The following LAMA2 variants were observed in gnomAD, a reference collection of about 807,000 sequenced individuals.
LAMA2 encodes laminin subunit alpha-2.
A neutral mutation model predicts 364.8 loss-of-function variants in LAMA2; 269 were observed. That is an observed-to-expected ratio of 0.74 (90% CI 0.67 to 0.82). LAMA2 has a LOEUF of 0.82. Among genes scored for constraint, LAMA2 ranks in the 40% least tolerant of loss-of-function variants. The probability of loss-of-function intolerance (pLI) is 0.00; values close to 1 mark genes in which losing one functional copy is unlikely to be tolerated. For missense variants in LAMA2, 3,807 were observed against 3,873.2 expected, an observed-to-expected ratio of 0.98 and a Z score of 0.45; for synonymous variants, 1,379 against 1,370.6, an observed-to-expected ratio of 1.01 and a Z score of -0.14.
At chr6:129,130,285 G>GC (rs1376485752) in intron 4 of LAMA2, among the ~76,000 whole-genome samples, 1 of 152,218 alleles carries the variant, frequency 6.6e-6, no homozygotes, top group Middle Eastern at 3.2e-3. Context: ...ATATAAGTGG[G>GC]CCATAGAGTG....
intron 1 of LAMA2, among the ~76,000 whole-genome samples, chr6:129,030,921 G>T (rs1320741843): frequency 6.6e-6 from 1 of 151,928 alleles, no homozygotes; most frequent in African/African-American, 2.4e-5. Flanking sequence ...AGAGTTTAGT[G>T]GTTATAGAAT....
intron 1 of LAMA2, among the ~76,000 whole-genome samples, chr6:128,968,374 C>T (rs771149220): frequency 3.9e-5 from 6 of 152,070 alleles, no homozygotes; most frequent in Non-Finnish European, 7.4e-5. Context: ...CAGGAGTAAA[C>T]AAGTCCCCAT....
intron 53 of LAMA2, among the ~76,000 whole-genome samples, chr6:129,478,263 A>C (rs371334734): frequency 9.3e-6 from 1 of 106,984 alleles, no homozygotes; most frequent in Non-Finnish European, 2.2e-5. Flanking sequence ...CAAAATAAAT[A>C]AACGTTTTCA....
chr6:129,492,182 A>C, intron 57 of LAMA2, 105 bp downstream of exon 57: 1 of 1,402,560 alleles, frequency 7.1e-7, no homozygotes, highest in South Asian at 1.2e-5. Flanking sequence ...GGGAGGAGGG[A>C]AACAATGAGG....
At chr6:129,489,380 C>A (rs1240803094) in intron 56 of LAMA2, among the ~76,000 whole-genome samples, 2 of 152,128 alleles carry the variant, frequency 1.3e-5, no homozygotes, top group East Asian at 3.9e-4. Flanking sequence ...CTGGAAAAAT[C>A]TCCCTTTAGT....
chr6:129,397,152 A>G (rs1449662203), intron 37 of LAMA2, among the ~76,000 whole-genome samples: 1 of 152,156 alleles, frequency 6.6e-6, no homozygotes, highest in African/African-American at 2.4e-5. Flanking sequence ...ATAAAGATCT[A>G]ATTAATTACA....
intron 1 of LAMA2, among the ~76,000 whole-genome samples, chr6:128,961,857 C>T (rs978530090): frequency 1.3e-5 from 2 of 151,736 alleles, no homozygotes; most frequent in Non-Finnish European, 2.9e-5. Context: ...GGGATAGTAA[C>T]GAGGTTTATA....
intron 9 of LAMA2, among the ~76,000 whole-genome samples, chr6:129,177,410 T>A (rs778196339): frequency 6.6e-6 from 1 of 152,206 alleles, no homozygotes; most frequent in Non-Finnish European, 1.5e-5. Context: ...TTGTGGAAAT[T>A]TCTCCTTGGT....
chr6:128,901,523 G>A (rs777059755), intron 1 of LAMA2, among the ~76,000 whole-genome samples: 1 of 152,154 alleles, frequency 6.6e-6, no homozygotes, highest in Non-Finnish European at 1.5e-5. Flanking sequence ...CATAGAAAGA[G>A]TAGTGAAACA....
chr6:129,044,951 A>C (rs1787370451), intron 1 of LAMA2, among the ~76,000 whole-genome samples: 1 of 152,222 alleles, frequency 6.6e-6, no homozygotes, highest in African/African-American at 2.4e-5. Flanking sequence ...AATGGGAATA[A>C]GTAGGCACAG....
intron 12 of LAMA2, among the ~76,000 whole-genome samples, chr6:129,212,209 T>G (rs1316262259): frequency 6.6e-6 from 1 of 152,134 alleles, no homozygotes; most frequent in Non-Finnish European, 1.5e-5. Flanking sequence ...GAGCCTGAGT[T>G]GCATTGTGTG....
chr6:129,456,156 G>A (rs997860008), intron 47 of LAMA2, among the ~76,000 whole-genome samples, 179 bp from the exon 48 acceptor site: 1 of 152,120 alleles, frequency 6.6e-6, no homozygotes, highest in African/African-American at 2.4e-5. Flanking sequence ...CAGACTCTGA[G>A]TATTGATTCG....
chr6:129,251,410 G>A (rs759892081), intron 13 of LAMA2, among the ~76,000 whole-genome samples: 72 of 152,012 alleles, frequency 4.7e-4, no homozygotes, highest in Non-Finnish European at 8.8e-4. Flanking sequence ...TTTGAAATAT[G>A]TAACTTTCGT....
chr6:129,161,414 A>G (rs192608662), intron 8 of LAMA2, among the ~76,000 whole-genome samples: 39 of 152,288 alleles, frequency 2.6e-4, no homozygotes, highest in Admixed American at 9.2e-4. Flanking sequence ...TTTGTGTCAC[A>G]AAATTTTTGT....
intron 1 of LAMA2, among the ~76,000 whole-genome samples, chr6:128,971,532 T>C (rs1455948676): frequency 2.6e-5 from 4 of 152,012 alleles, no homozygotes; most frequent in South Asian, 2.1e-4. Flanking sequence ...GGAGGATGCA[T>C]TGGTATTAAA....
At chr6:129,226,136 A>G (rs1784255158) in intron 12 of LAMA2, among the ~76,000 whole-genome samples, 1 of 152,080 alleles carries the variant, frequency 6.6e-6, no homozygotes, top group African/African-American at 2.4e-5. Context: ...TGTCTGTTTT[A>G]TCAGAGACTA....
intron 40 of LAMA2, among the ~76,000 whole-genome samples, chr6:129,425,151 A>G (rs1182352833): frequency 6.6e-6 from 1 of 151,994 alleles, no homozygotes; most frequent in Non-Finnish European, 1.5e-5. Context: ...AGAGATTCAA[A>G]AGAAATGATG....
chr6:129,438,357 G>T (rs1018394140), intron 41 of LAMA2, among the ~76,000 whole-genome samples: 1 of 151,872 alleles, frequency 6.6e-6, no homozygotes, highest in Non-Finnish European at 1.5e-5. Flanking sequence ...TAATTCTTTG[G>T]AGGTTTCTTC....
intron 1 of LAMA2, among the ~76,000 whole-genome samples, chr6:128,957,797 T>C (rs944078887): frequency 1.3e-5 from 2 of 151,224 alleles, no homozygotes; most frequent in African/African-American, 4.9e-5. Flanking sequence ...CCTTTAAGTA[T>C]AGTTTGGAGT....
Sources: allele counts gnomAD v4.1 joint callset (sites outside exome capture counted in the v4.1 genomes callset), GRCh38; gene constraint gnomAD v4.1.1; transcripts MANE v1.5; gene names NCBI Gene and HGNC (gene_info 2026-07-23, HGNC 2026-07-21).